EBF1: variants seen among roughly 807,000 people sequenced by gnomAD.
EBF1 encodes transcription factor COE1.
In EBF1, 10 loss-of-function variants were observed where a neutral mutation model predicts 68.4. The observed-to-expected ratio is 0.15, with a 90% CI of 0.09 to 0.25. EBF1 has a LOEUF of 0.25. Among genes scored for constraint, EBF1 ranks in the 10% least tolerant of loss-of-function variants. EBF1 has a pLI of 1.00. For missense variants in EBF1, 509 were observed against 794.4 expected, an observed-to-expected ratio of 0.64 and a Z score of 4.32; for synonymous variants, 298 against 299.8, an observed-to-expected ratio of 0.99 and a Z score of 0.06.
chr5:158,925,420 A>G (rs957712925), intron 6 of EBF1, among the ~76,000 whole-genome samples: 2 of 152,242 alleles, frequency 1.3e-5, no homozygotes, highest in Non-Finnish European at 2.9e-5. Context: ...CTGGATAGAT[A>G]AATGGAAGAT....
In EBF1 at chr5:159,050,152, T is replaced by TTCTCTC. The variant is rs148912326; in HGVS notation, c.554+23238_554+23243dup. 5.6e-3 allele frequency among the ~76,000 whole-genome samples: 759 copies of TTCTCTC among 135,636 alleles called. 13 individuals carry two copies. The highest frequency in any genetic ancestry group is 0.039 in the South Asian group (155 of 3,938). 89.0% of individuals were successfully genotyped at this position (135,636 alleles called of 152,430 possible). A position where few individuals can be genotyped will look rare whatever the true frequency, so the allele number is the denominator to read the frequency against. The stretch of plus-strand genomic sequence containing the variant: ...AAGTAAACAAGAGGTTCGTTTCTCT[T>TTCTCTC]TCTCTCTCTCTCTCTCTCTCTCTCT... On this transcript the variant is annotated intron_variant, in intron 6 of 15. Coordinates refer to ENST00000313708, the MANE Select transcript of EBF1 (RefSeq NM_024007.5).
rs560144271 is a variant in EBF1 at position 159,083,518 on chromosome 5, A to G, written c.485+1148T>C. ...TATTTTAGAATAATATGTTAGAAATATTTTTAAAAGGGAAAAAATGAAAAT... is the reference window on the plus strand; with the variant it reads ...TATTTTAGAATAATATGTTAGAAATGTTTTTAAAAGGGAAAAAATGAAAAT... On this transcript the variant is annotated intron_variant, in intron 5 of 15. Coordinates refer to ENST00000313708, the MANE Select transcript of EBF1 (RefSeq NM_024007.5). 2.0e-5 allele frequency among the ~76,000 whole-genome samples: 3 copies of G among 152,352 alleles called. No individual in the cohort carries two copies. In the East Asian group the frequency reaches 5.8e-4, roughly 29 times the overall value.
At chr5:159,019,895 C>T (rs996007276) in intron 6 of EBF1, among the ~76,000 whole-genome samples, 6 of 152,164 alleles carry the variant, frequency 3.9e-5, no homozygotes, top group South Asian at 2.1e-4. Flanking sequence ...CCTTTGCTGC[C>T]ACCCTAATAA....
intron 6 of EBF1, among the ~76,000 whole-genome samples, chr5:158,865,099 C>T (rs1032188351): frequency 1.4e-4 from 21 of 152,134 alleles, no homozygotes; most frequent in Admixed American, 2.6e-4. Flanking sequence ...TCAGAGAAAC[C>T]GGCCCACCTT....
chr5:158,871,827 C>A (rs778204838), intron 6 of EBF1, among the ~76,000 whole-genome samples: 1 of 152,306 alleles, frequency 6.6e-6, no homozygotes, highest in African/African-American at 2.4e-5. Context: ...TCCAGGATCT[C>A]TTCCTACAGC....
chr5:158,896,285 G>C (rs1002888286), intron 6 of EBF1, among the ~76,000 whole-genome samples: 1 of 152,180 alleles, frequency 6.6e-6, no homozygotes, highest in African/African-American at 2.4e-5. Flanking sequence ...TTGATGGGAA[G>C]TTGAGTTTTT....
chr5:158,697,529 A>G lies in EBF1; in HGVS notation c.*1582T>C. 4.8e-6 allele frequency: 1 copy of G among 209,886 alleles called. No homozygotes were observed. The highest frequency in any genetic ancestry group is 7.2e-5 in the East Asian group (1 of 13,926). 13.0% of individuals were successfully genotyped at this position (209,886 alleles called of 1,614,324 possible). A position where few individuals can be genotyped will look rare whatever the true frequency, so the allele number is the denominator to read the frequency against. On this transcript the variant is annotated 3_prime_UTR_variant, in exon 16 of 16. Coordinates refer to ENST00000313708, the MANE Select transcript of EBF1 (RefSeq NM_024007.5). ...GGGGTGGAAGGAAGAGGAAGAAGGG[A>G]AAAGCAATGTACAAATTCGAAAGAT...
chr5:158,924,411 A>C (rs904808457), intron 6 of EBF1, among the ~76,000 whole-genome samples: 1 of 152,206 alleles, frequency 6.6e-6, no homozygotes, highest in African/African-American at 2.4e-5. Flanking sequence ...GCCACTGGAC[A>C]AAGAAAATCT....
intron 15 of EBF1, among the ~76,000 whole-genome samples, chr5:158,706,718 G>T (rs1301964338): frequency 6.6e-6 from 1 of 152,166 alleles, no homozygotes; most frequent in Non-Finnish European, 1.5e-5. Context: ...ACTTTGTATG[G>T]CTGGGCTTAA....
At chr5:159,088,358 C>T (rs1301544644) in intron 4 of EBF1, among the ~76,000 whole-genome samples, 1 of 152,106 alleles carries the variant, frequency 6.6e-6, no homozygotes, top group African/African-American at 2.4e-5. Flanking sequence ...AACTGATAGC[C>T]CTACATCAAT....
chr5:158,856,888 A>G (rs978085542), intron 6 of EBF1, among the ~76,000 whole-genome samples: 1 of 152,190 alleles, frequency 6.6e-6, no homozygotes, highest in Non-Finnish European at 1.5e-5. Flanking sequence ...GTACAGCAAT[A>G]TGCCTGCACT....
At chr5:158,800,712 T>G (rs1355612295) in intron 8 of EBF1, among the ~76,000 whole-genome samples, 1 of 152,166 alleles carries the variant, frequency 6.6e-6, no homozygotes, top group Admixed American at 6.6e-5. Context: ...GTTTCTTACA[T>G]TTGGGATACC....
At chr5:158,873,700 A>T (rs140462264) in intron 6 of EBF1, among the ~76,000 whole-genome samples, 265 of 152,330 alleles carry the variant, frequency 1.7e-3, no homozygotes, top group African/African-American at 5.4e-3. Flanking sequence ...GATGAAGCAA[A>T]TGTGAGGGAG....
intron 9 of EBF1, among the ~76,000 whole-genome samples, chr5:158,782,505 A>T (rs1323771070): frequency 2.0e-5 from 3 of 151,886 alleles, no homozygotes; most frequent in African/African-American, 4.8e-5. Flanking sequence ...CAAAAAAAAA[A>T]TTTTAATTAG....
rs562956149 is a variant in EBF1, at chr5:158,963,388, G to A, written c.554+110008C>T. 6.4e-4 allele frequency among the ~76,000 whole-genome samples: 98 copies of A among 152,270 alleles called. 1 individual carries two copies. Among genetic ancestry groups the A allele is most frequent in the African/African-American group, 2.2e-3 (93 of 41,554 alleles). Reference sequence around the variant, plus strand: ...TTTGAAGGTTTCATCTCCTACATTGGATGACAGTAAGAACATCTTCAGAAC... The same window carrying A: ...TTTGAAGGTTTCATCTCCTACATTGAATGACAGTAAGAACATCTTCAGAAC... On this transcript the variant is annotated intron_variant, in intron 6 of 15. Transcript: ENST00000313708.
At chr5:158,883,452 G>A (rs141903334) in intron 6 of EBF1, among the ~76,000 whole-genome samples, 143 of 149,884 alleles carry the variant, frequency 9.5e-4, no homozygotes, top group Non-Finnish European at 1.5e-3. Context: ...ACACATATCA[G>A]TATAAAGAAA....
intron 6 of EBF1, chr5:158,941,274 G>A (rs1488926810): frequency 1.5e-5 from 7 of 455,632 alleles, no homozygotes; most frequent in African/African-American, 4.0e-5. Context: ...GACTGGAGAC[G>A]TTGAATCAGG....
chr5:158,708,182 G>A lies in EBF1; in HGVS notation c.1550-9C>T, dbSNP rs1009926307. 3.8e-6 allele frequency: 6 copies of A among 1,570,024 alleles called. No individual in the cohort carries two copies. Among genetic ancestry groups the A allele is most frequent in the South Asian group, 3.5e-5 (3 of 85,354 alleles). On this transcript the variant is annotated splice_polypyrimidine_tract_variant and intron_variant, in intron 14 of 15. Coordinates refer to ENST00000313708, the MANE Select transcript of EBF1 (RefSeq NM_024007.5). ...GGGGCTGGATGGCACTACTGAGAGGGGCAATGAGAAAGGAGAAATCAGTGC... is the reference window on the plus strand; with the variant it reads ...GGGGCTGGATGGCACTACTGAGAGGAGCAATGAGAAAGGAGAAATCAGTGC...
chr5:158,975,076 G>T (rs973731580), intron 6 of EBF1, among the ~76,000 whole-genome samples: 10 of 152,192 alleles, frequency 6.6e-5, no homozygotes, highest in African/African-American at 1.9e-4. Flanking sequence ...CATTCTAAGA[G>T]TAGTGCATTA....
Sources: allele counts gnomAD v4.1 joint callset (sites outside exome capture counted in the v4.1 genomes callset), GRCh38; gene constraint gnomAD v4.1.1; transcripts MANE v1.5; gene names NCBI Gene and HGNC (gene_info 2026-07-23, HGNC 2026-07-21).